The following RASGRF2 variants were observed in gnomAD, a reference collection of about 807,000 sequenced individuals.
The protein encoded by RASGRF2 is ras-specific guanine nucleotide-releasing factor 2.
In RASGRF2, 76 loss-of-function variants were observed where a neutral mutation model predicts 151.0. That is an observed-to-expected ratio of 0.50 (90% CI 0.42 to 0.61). The LOEUF is 0.61. Among genes scored for constraint, RASGRF2 ranks in the 20% least tolerant of loss-of-function variants. The pLI is 0.00. For synonymous variants in RASGRF2, 504 were observed against 566.5 expected, an observed-to-expected ratio of 0.89 and a Z score of 1.57; for missense variants, 1,148 against 1,564.6, an observed-to-expected ratio of 0.73 and a Z score of 4.49.
At chr5:81,051,742 G>T (rs1163358410) in intron 2 of RASGRF2, among the ~76,000 whole-genome samples, 1 of 152,088 alleles carries the variant, frequency 6.6e-6, no homozygotes, top group East Asian at 1.9e-4. Context: ...CATTTAGGTT[G>T]TTCCCACTTT....
chr5:81,157,625 TAA>T (rs1454361206), intron 17 of RASGRF2, among the ~76,000 whole-genome samples: 4 of 152,216 alleles, frequency 2.6e-5, no homozygotes, highest in Admixed American at 6.5e-5. Flanking sequence ...GGCTAATTTA[TAA>T]AGACAAGAGG....
intron 1 of RASGRF2, among the ~76,000 whole-genome samples, chr5:81,025,003 C>T (rs528703958): frequency 2.0e-5 from 3 of 152,304 alleles, no homozygotes; most frequent in South Asian, 4.2e-4. Flanking sequence ...GCAGGGGTTT[C>T]CTCTGTGTGT....
chr5:81,041,301 C>CAAA (rs34567203), intron 1 of RASGRF2, among the ~76,000 whole-genome samples: 1 of 112,572 alleles, frequency 8.9e-6, no homozygotes. Context: ...GACTCCGTCT[C>CAAA]AAAAAAAAAA....
chr5:81,085,933 A>G, intron 8 of RASGRF2, 22 bp downstream of exon 8: 1 of 1,613,788 alleles, frequency 6.2e-7, no homozygotes, highest in Non-Finnish European at 8.5e-7. Flanking sequence ...ACTTATAACA[A>G]AGGCTTGGGA....
At chr5:81,207,215 G>C (rs759577465) in intron 20 of RASGRF2, 31 bp from the exon 21 acceptor site, 1 of 1,596,406 alleles carries the variant, frequency 6.3e-7, no homozygotes, top group Non-Finnish European at 8.6e-7. Context: ...CCTCTCCTGG[G>C]TGTTTCATTT....
intron 7 of RASGRF2, among the ~76,000 whole-genome samples, chr5:81,083,387 G>A (rs569676850): frequency 6.6e-6 from 1 of 152,164 alleles, no homozygotes; most frequent in East Asian, 1.9e-4. Flanking sequence ...AGTTAGTGTA[G>A]GGGAAGAGAG....
In RASGRF2 at chr5:80,962,610, A is replaced by AT. The variant is rs1255061650; in HGVS notation, c.288+1596dup. On this transcript the variant is annotated intron_variant, in intron 1 of 26. Transcript: ENST00000265080. ...TATTAATATAAGATAACCACTTTTG[A>AT]TTTTTTTTTTTTCAGTTAGGGGTGG... Among the ~76,000 whole-genome samples, 574 of 143,776 alleles carry AT rather than the reference A, an allele frequency of 4.0e-3. 3 individuals carry two copies. Among genetic ancestry groups the AT allele is most frequent in the African/African-American group, 0.013 (508 of 39,350 alleles). The allele number at this position is 143,776 out of a possible 152,430, so 94.3% of individuals were successfully genotyped here. A position where few individuals can be genotyped will look rare whatever the true frequency, so the allele number is the denominator to read the frequency against.
intron 25 of RASGRF2, 35 bp from the exon 26 acceptor site, chr5:81,219,675 T>C (rs1381368305): frequency 6.5e-7 from 1 of 1,541,278 alleles, no homozygotes; most frequent in Non-Finnish European, 9.0e-7. Context: ...TTTGCTTTTG[T>C]TGTTGTCATT....
At chr5:81,195,660 A>T (rs1755249378) in intron 18 of RASGRF2, among the ~76,000 whole-genome samples, 1 of 150,488 alleles carries the variant, frequency 6.6e-6, no homozygotes, top group South Asian at 2.1e-4. Flanking sequence ...CATCAGCATC[A>T]CCCGGGAGCT....
chr5:81,034,775 A>G (rs570061927), intron 1 of RASGRF2, among the ~76,000 whole-genome samples: 5 of 134,412 alleles, frequency 3.7e-5, no homozygotes, highest in Non-Finnish European at 7.7e-5. Context: ...CAGGAAGGGG[A>G]ACATCACACT....
intron 18 of RASGRF2, among the ~76,000 whole-genome samples, chr5:81,193,146 T>A (rs927048211): frequency 2.6e-5 from 4 of 152,194 alleles, no homozygotes; most frequent in Non-Finnish European, 5.9e-5. Context: ...CCTCAAACTG[T>A]GTTTATAGAA....
At position 81,064,996 on chromosome 5, in the gene RASGRF2, T is replaced by A. The variant is rs1460214286; in HGVS notation, c.396-3036T>A. Among the ~76,000 whole-genome samples, 3 of 152,174 alleles carry A rather than the reference T, an allele frequency of 2.0e-5. No homozygotes were observed. In the East Asian group the frequency reaches 5.8e-4, roughly 29 times the overall value. On this transcript the variant is annotated intron_variant, in intron 2 of 26. Coordinates refer to ENST00000265080, the MANE Select transcript of RASGRF2 (RefSeq NM_006909.3). The stretch of plus-strand genomic sequence containing the variant: ...GAGCAGGTGAGAAATGTTCTCCCAC[T>A]GGCTTTGAAGAAGGAAGCTGCTACG...
intron 14 of RASGRF2, 147 bp from the exon 15 acceptor site, chr5:81,113,391 C>A: frequency 1.1e-6 from 1 of 912,502 alleles, no homozygotes; most frequent in Non-Finnish European, 1.6e-6. Flanking sequence ...GGAGGGTATA[C>A]ATGTAGCATT....
intron 7 of RASGRF2, 128 bp downstream of exon 7, chr5:81,080,917 G>A: frequency 2.6e-6 from 2 of 769,248 alleles, no homozygotes; most frequent in Non-Finnish European, 4.1e-6. Context: ...ACCATCTGTT[G>A]CTGTCTTGAG....
chr5:81,055,055 A>G (rs1428792901), intron 2 of RASGRF2, among the ~76,000 whole-genome samples: 1 of 152,174 alleles, frequency 6.6e-6, no homozygotes, highest in Non-Finnish European at 1.5e-5. Context: ...CTAAATATAC[A>G]GTCATATCAT....
chr5:81,008,755 A>G (rs1749358679), intron 1 of RASGRF2, among the ~76,000 whole-genome samples: 1 of 152,142 alleles, frequency 6.6e-6, no homozygotes, highest in Admixed American at 6.5e-5. Context: ...TAATATTAGA[A>G]ATGAGAACAG....
At chr5:81,032,170 CA>C (rs1237853133) in intron 1 of RASGRF2, among the ~76,000 whole-genome samples, 1 of 151,940 alleles carries the variant, frequency 6.6e-6, no homozygotes, top group Admixed American at 6.6e-5. Flanking sequence ...GCCTACCAAC[CA>C]AAAAAAGTCC....
chr5:81,177,948 A>C (rs1233751350), intron 17 of RASGRF2, among the ~76,000 whole-genome samples: 4 of 152,262 alleles, frequency 2.6e-5, no homozygotes, highest in Non-Finnish European at 5.9e-5. Flanking sequence ...GAGAGGAGCT[A>C]GGGCTAAACC....
intron 2 of RASGRF2, among the ~76,000 whole-genome samples, chr5:81,043,326 C>T (rs988778899): frequency 2.0e-5 from 3 of 152,114 alleles, no homozygotes; most frequent in African/African-American, 4.8e-5. Flanking sequence ...CATTATAATT[C>T]CCCCTGTCTG....
Sources: gnomAD v4.1 joint callset for allele counts (sites outside exome capture counted in the v4.1 genomes callset) on GRCh38, gnomAD v4.1.1 for gene constraint, MANE v1.5 for transcripts, NCBI Gene and HGNC (gene_info 2026-07-23, HGNC 2026-07-21) for gene names.